The following VARS1 variants were observed in gnomAD, a reference collection of about 807,000 sequenced individuals.
The protein encoded by VARS1 is valyl-tRNA synthetase 1.
A neutral mutation model predicts 161.0 loss-of-function variants in VARS1; 92 were observed. The observed-to-expected ratio is 0.57, with a 90% CI of 0.48 to 0.68. The LOEUF is 0.68. VARS1 is among the 30% of genes least tolerant of loss of function. The probability of loss-of-function intolerance (pLI) is 0.00; values close to 1 mark genes in which losing one functional copy is unlikely to be tolerated. For missense variants in VARS1, 1,338 were observed against 1,695.9 expected (o/e 0.79, Z 3.71); for synonymous variants, 595 against 682.5 (o/e 0.87, Z 2.00).
rs761497924 is a variant in VARS1, at chr6:31,779,454, T to C, written c.3371A>G (p.Asp1124Gly). The change falls in exon 28 of 30, where the codon GAC becomes GGC. Residue 1124 changes from aspartate (D) to glycine (G), a missense_variant. By Grantham distance (94) the Asp-to-Gly change is moderately conservative. This residue lies in a region of VARS1 where 433 missense variants were observed against 586.2 expected (regional missense o/e 0.74). Transcript: ENST00000375663. This position sits in a 1 kb window ranked among gnomAD's most constrained non-coding sequence, Gnocchi z 9.1. ...ITRAVRSLRA[D>G]YNLTRIRPDC... ...AGGCCGGATCCGGGTGAGGTTGTAG[T>C]CGGCCCGCAGGGAGCGCACGGCTCG... 29 of 1,612,260 alleles carry C rather than the reference T, an allele frequency of 1.8e-5. No homozygotes were observed. Among genetic ancestry groups the C allele is most frequent in the Middle Eastern group, 1.6e-4 (1 of 6,084 alleles).
At position 31,784,863 on chromosome 6, in the gene VARS1, T is replaced by G; in HGVS notation, c.1348-149A>C. The G allele has an allele frequency of 8.3e-7, 1 of 1,202,428 alleles. No individual in the cohort carries two copies. The highest frequency in any genetic ancestry group is 2.5e-5 in the East Asian group (1 of 40,542). The allele number at this position is 1,202,428 out of a possible 1,614,324, so 74.5% of individuals were successfully genotyped here. A position where few individuals can be genotyped will look rare whatever the true frequency, so the allele number is the denominator to read the frequency against. On this transcript the variant is annotated intron_variant, in intron 10 of 29. Transcript: ENST00000375663. This position sits in a 1 kb window ranked among gnomAD's most constrained non-coding sequence, Gnocchi z 6.1. ...GAGGGGAGTACTTTCCTTCTTTCCT[T>G]GAGGGGGAGAGAGGACTAAGGGAAC...
intron 3 of VARS1, 21 bp from the exon 4 acceptor site, chr6:31,792,916 C>T (rs1262328747): frequency 2.5e-6 from 4 of 1,614,072 alleles, no homozygotes; most frequent in African/African-American, 2.7e-5. Context: ...AAATAAATGA[C>T]TCTTCTCAGT....
At chr6:31,786,029 G>A (rs1227823950) in intron 8 of VARS1, among the ~76,000 whole-genome samples, 1 of 152,256 alleles carries the variant, frequency 6.6e-6, no homozygotes, top group Non-Finnish European at 1.5e-5. Flanking sequence ...GGGAAGCCGA[G>A]GTGGGTGGAT....
rs768322700 is a variant in VARS1, at chr6:31,779,265, G to A, written c.3428C>T (p.Thr1143Met). 35 of 1,603,656 alleles carry A rather than the reference G, an allele frequency of 2.2e-5. No homozygotes were observed. The highest frequency in any genetic ancestry group is 8.9e-5 in the East Asian group (4 of 44,846). Residue 1143 changes from threonine (T) to methionine (M), a missense_variant, in exon 29 of 30, where the codon ACG becomes ATG. Around this residue, in one of 3 missense-constraint regions of VARS1, gnomAD observed 433 missense variants for 586.2 expected, o/e 0.74. Coordinates refer to ENST00000375663, the MANE Select transcript of VARS1 (RefSeq NM_006295.3). The surrounding 1 kb of genome is among the most constrained non-coding windows in gnomAD (Gnocchi z 9.1). The part of the protein sequence containing the change: ...DCFLEVADEA[T>M]GALASAVSGY... ...CGACACCGCCGATGCCAGGGCGCCC[G>A]TGGCCTCATCCGCCACTTCCAGGAA...
Position 31,780,139 on chromosome 6 carries a change from C to T in VARS1, c.2940G>A (p.Glu980=), listed in dbSNP as rs1301753032. Residue 980 remains glutamate, a synonymous_variant, in exon 26 of 30, where the codon GAG becomes GAA. Coordinates refer to ENST00000375663, the MANE Select transcript of VARS1 (RefSeq NM_006295.3). This position sits in a 1 kb window ranked among gnomAD's most constrained non-coding sequence, Gnocchi z 5.1. ...PSPTSQPGGH[E]SLVDRWIRSR... is the part of the protein sequence containing the mutation. Reference sequence around the variant, plus strand: ...TGCGGATCCAGCGGTCCACCAGGCTCTCATGGCCTCCGGGCTTGGGGAGAG... The same window carrying T: ...TGCGGATCCAGCGGTCCACCAGGCTTTCATGGCCTCCGGGCTTGGGGAGAG... 6.2e-7 allele frequency: 1 copy of T among 1,613,842 alleles called. No homozygotes were observed. Among genetic ancestry groups the T allele is most frequent in the Non-Finnish European group, 8.5e-7 (1 of 1,179,948 alleles).
intron 13 of VARS1, 137 bp from the exon 14 acceptor site, chr6:31,783,323 G>A (rs766345354): frequency 2.1e-5 from 17 of 800,430 alleles, no homozygotes; most frequent in Non-Finnish European, 3.4e-5. Flanking sequence ...TGGCCAACAT[G>A]GGGAAACCTA....
At chr6:31,783,662 A>T (rs1159569382) in intron 13 of VARS1, among the ~76,000 whole-genome samples, 5 of 102,798 alleles carry the variant, frequency 4.9e-5, no homozygotes, top group African/African-American at 2.2e-4. Flanking sequence ...GTCTCTATTT[A>T]ACTTTTTTTT....
Position 31,795,381 on chromosome 6 carries a change from G to A in VARS1, c.-33-131C>T. The A allele has an allele frequency of 1.8e-6, 1 of 566,710 alleles. No individual in the cohort carries two copies. Among genetic ancestry groups the A allele is most frequent in the Non-Finnish European group, 2.6e-6 (1 of 378,986 alleles). 35.1% of individuals were successfully genotyped at this position (566,710 alleles called of 1,614,324 possible). ...CCCATAGGACTGAGGGTCTGACCAGGCAGGCTGTCAGGAGCCGAGGACCTG... is the reference window on the plus strand; with the variant it reads ...CCCATAGGACTGAGGGTCTGACCAGACAGGCTGTCAGGAGCCGAGGACCTG... On this transcript the variant is annotated intron_variant, in intron 1 of 29. Transcript: ENST00000375663. This position sits in a 1 kb window ranked among gnomAD's most constrained non-coding sequence, Gnocchi z 6.9.
chr6:31,781,109 G>C lies in VARS1; in HGVS notation c.2559C>G (p.Ala853=). 2 of 1,613,150 alleles carry C rather than the reference G, an allele frequency of 1.2e-6. No homozygotes were observed. Among genetic ancestry groups the C allele is most frequent in the East Asian group, 2.2e-5 (1 of 44,876 alleles). ...RLPFREVYLH[A]IVRDAHGRKM... ...TCCGGCCGTGAGCATCTCGCACGAT[G>C]GCATGGAGGTAGACCTGCAGAGCAG... Residue 853 remains alanine (A), a synonymous_variant, in exon 22 of 30, where the codon GCC becomes GCG. Transcript: ENST00000375663. This position sits in a 1 kb window ranked among gnomAD's most constrained non-coding sequence, Gnocchi z 6.8.
chr6:31,779,481 G>T lies in VARS1; in HGVS notation c.3344C>A (p.Thr1115Lys), dbSNP rs373279419. 4 of 1,612,822 alleles carry T rather than the reference G, an allele frequency of 2.5e-6. No homozygotes were observed. The highest frequency in any genetic ancestry group is 3.4e-6 in the Non-Finnish European group (4 of 1,180,006). Residue 1115 changes from threonine (T) to lysine (K), a missense_variant, in exon 28 of 30, where the codon ACG (threonine) becomes AAG (lysine). Thr to Lys is a moderately conservative substitution (Grantham distance 78). Coordinates refer to ENST00000375663, the MANE Select transcript of VARS1 (RefSeq NM_006295.3). The surrounding 1 kb of genome is among the most constrained non-coding windows in gnomAD (Gnocchi z 9.1). ...EAALELALSI[T>K]RAVRSLRADY... The stretch of plus-strand genomic sequence containing the variant: ...GGCCCGCAGGGAGCGCACGGCTCGC[G>T]TGATGCTTAGCGCCAGCTCAAGGGC...
At position 31,778,969 on chromosome 6, in the gene VARS1, T is replaced by G. The variant is rs778093044; in HGVS notation, c.3724A>C (p.Lys1242Gln). 32 of 1,612,910 alleles carry G rather than the reference T, an allele frequency of 2.0e-5. No homozygotes were observed. Among genetic ancestry groups the G allele is most frequent in the Admixed American group, 1.7e-5 (1 of 59,994 alleles). The change falls in exon 29 of 30, where the codon AAG becomes CAG. Residue 1242 changes from lysine (K) to glutamine (Q), a missense_variant and splice_region_variant. Lys to Gln is a moderately conservative substitution (Grantham distance 53). This residue lies in a region of VARS1 where 433 missense variants were observed against 586.2 expected (regional missense o/e 0.74). Coordinates refer to ENST00000375663, the MANE Select transcript of VARS1 (RefSeq NM_006295.3). The surrounding 1 kb of genome is among the most constrained non-coding windows in gnomAD (Gnocchi z 5.1). ...AAATGCCCACCCAGGCCACACACCT[T>G]GGCTTCATCTGCCTCCTGGACTTCG... ...PLEVQEADEAKLQQTEAELRK... is the reference protein window; with the variant it reads ...PLEVQEADEAQLQQTEAELRK...
In VARS1 at chr6:31,792,221, C is replaced by A. The variant is rs1238999547; in HGVS notation, c.867G>T (p.Lys289Asn). 6.2e-7 allele frequency: 1 copy of A among 1,613,658 alleles called. No homozygotes were observed. Among genetic ancestry groups the A allele is most frequent in the Non-Finnish European group, 8.5e-7 (1 of 1,179,994 alleles). Residue 289 changes from lysine (K) to asparagine (N), a missense_variant, in exon 6 of 30, where the codon AAG becomes AAT. Lys to Asn is a moderately conservative substitution (Grantham distance 94, BLOSUM62 0). Around this residue, in one of 3 missense-constraint regions of VARS1, gnomAD observed 902 missense variants for 1,090.3 expected, o/e 0.83. Transcript: ENST00000375663. ...TYDLPTPPGE[K>N]KDVSGPMPDS... is the part of the protein sequence containing the mutation. ...GCCCCTTCCCACTCCTAGTACCTTT[C>A]TTTTCCCCGGGTGGGGTTGGGAGGT...
In VARS1 at chr6:31,794,738, T is replaced by C. The variant is rs762073674; in HGVS notation, c.387+93A>G. Reference sequence around the variant, plus strand: ...GATTTGATCACTCTTTTCCCACATCTGATGTACTACCTTCTTGTCTCATTG... The same window carrying C: ...GATTTGATCACTCTTTTCCCACATCCGATGTACTACCTTCTTGTCTCATTG... On this transcript the variant is annotated intron_variant, in intron 2 of 29. Transcript: ENST00000375663. The C allele has an allele frequency of 4.5e-5, 65 of 1,444,498 alleles. 1 individual carries two copies. The highest frequency in any genetic ancestry group is 3.9e-4 in the South Asian group (26 of 66,830). 89.5% of individuals were successfully genotyped at this position (1,444,498 alleles called of 1,614,324 possible).
chr6:31,781,519 G>C lies in VARS1; in HGVS notation c.2506C>G (p.Leu836Val), dbSNP rs1813143878. ...LFFWVARMVM[L>V]GLKLTGRLPF... ...AGCCTGCCCGTGAGCTTCAGGCCCA[G>C]CATGACCATCCGGGCCACCCAGAAG... Residue 836 changes from leucine (L) to valine (V), a missense_variant, in exon 21 of 30, where the codon CTG becomes GTG. Physicochemically the swap from Leu to Val is conservative, Grantham distance 32. Transcript: ENST00000375663. The surrounding 1 kb of genome is among the most constrained non-coding windows in gnomAD (Gnocchi z 6.8). 4 of 1,612,892 alleles carry C rather than the reference G, an allele frequency of 2.5e-6. No homozygotes were observed. The highest frequency in any genetic ancestry group is 2.2e-5 in the South Asian group (2 of 91,084).
In VARS1 at chr6:31,779,357, G is replaced by T; in HGVS notation, c.3401-65C>A. ...GACAGGAAACCAAGCAGTCACTGCCGGACACTGGGTCCCAGAGTAGGCTGA... is the reference window on the plus strand; with the variant it reads ...GACAGGAAACCAAGCAGTCACTGCCTGACACTGGGTCCCAGAGTAGGCTGA... On this transcript the variant is annotated intron_variant, in intron 28 of 29. Coordinates refer to ENST00000375663, the MANE Select transcript of VARS1 (RefSeq NM_006295.3). This position sits in a 1 kb window ranked among gnomAD's most constrained non-coding sequence, Gnocchi z 9.1. 6.2e-7 allele frequency: 1 copy of T among 1,602,272 alleles called. No individual in the cohort carries two copies. Among genetic ancestry groups the T allele is most frequent in the Non-Finnish European group, 8.5e-7 (1 of 1,178,472 alleles).
In VARS1 at chr6:31,778,469, G is replaced by T. The variant is rs1231932224; in HGVS notation, c.3726+498C>A. 6.6e-6 allele frequency among the ~76,000 whole-genome samples: 1 copy of T among 152,282 alleles called. No homozygotes were observed. The highest frequency in any genetic ancestry group is 1.5e-5 in the Non-Finnish European group (1 of 68,028). On this transcript the variant is annotated intron_variant, in intron 29 of 29. Coordinates refer to ENST00000375663, the MANE Select transcript of VARS1 (RefSeq NM_006295.3). The surrounding 1 kb of genome is among the most constrained non-coding windows in gnomAD (Gnocchi z 5.1). ...GCTCCCCAGTGGATTCCCCAGGGTT[G>T]GGTACAGAGTCCAGCTTCCAGACCA...
At position 31,785,273 on chromosome 6, in the gene VARS1, C is replaced by T; in HGVS notation, c.1320G>A (p.Trp440Ter). 6.2e-7 allele frequency: 1 copy of T among 1,613,080 alleles called. No individual in the cohort carries two copies. The highest frequency in any genetic ancestry group is 8.5e-7 in the Non-Finnish European group (1 of 1,180,038). ...QLKKLGSSLD[W>*]DRACFTMDPK... ...GGTCCATGGTGAAACAGGCTCGATC[C>T]CAGTCCAAGGAGCTGCCAAGCTTCT... The change falls in exon 10 of 30, where the codon TGG becomes TGA. Residue 440 changes from tryptophan to a stop codon, truncating the protein, a stop_gained. Transcript: ENST00000375663. LOFTEE classifies it high-confidence loss of function. This position sits in a 1 kb window ranked among gnomAD's most constrained non-coding sequence, Gnocchi z 6.1.
In VARS1 at chr6:31,785,294, C is replaced by T. The variant is rs750976385; in HGVS notation, c.1299G>A (p.Lys433=). The T allele has an allele frequency of 7.6e-5, 123 of 1,612,974 alleles. No individual in the cohort carries two copies. Among genetic ancestry groups the T allele is most frequent in the Non-Finnish European group, 9.4e-5 (111 of 1,180,034 alleles). ...KGDRIYHQLK[K]LGSSLDWDRA... is the part of the protein sequence containing the mutation. ...GATCCCAGTCCAAGGAGCTGCCAAG[C>T]TTCTTCAACTGGTGGTAAATCCGGT... Residue 433 remains lysine (K), a synonymous_variant, in exon 10 of 30, where the codon AAG becomes AAA. Coordinates refer to ENST00000375663, the MANE Select transcript of VARS1 (RefSeq NM_006295.3). The surrounding 1 kb of genome is among the most constrained non-coding windows in gnomAD (Gnocchi z 6.1).
In VARS1 at chr6:31,782,682, T is replaced by C. The variant is rs1242634233; in HGVS notation, c.1887+39A>G. 6.2e-7 allele frequency: 1 copy of C among 1,612,900 alleles called. No individual in the cohort carries two copies. The highest frequency in any genetic ancestry group is 8.5e-7 in the Non-Finnish European group (1 of 1,179,978). On this transcript the variant is annotated intron_variant, in intron 15 of 29. Coordinates refer to ENST00000375663, the MANE Select transcript of VARS1 (RefSeq NM_006295.3). This position sits in a 1 kb window ranked among gnomAD's most constrained non-coding sequence, Gnocchi z 8.3. ...ATGGCGATGCCCAGCCATCCCTCCA[T>C]CTCCCTGACCCGGGCACTCTTGCCT...
Sources: allele counts gnomAD v4.1 joint callset (sites outside exome capture counted in the v4.1 genomes callset), GRCh38; gene constraint gnomAD v4.1.1; regional missense constraint gnomAD v4.1.1; non-coding constraint Gnocchi (gnomAD v3.1); transcripts MANE v1.5; gene names NCBI Gene and HGNC (gene_info 2026-07-23, HGNC 2026-07-21).